The following GCH1 variants were observed in gnomAD, a reference collection of about 807,000 sequenced individuals.
GCH1 encodes GTP cyclohydrolase I.
GCH1 carries 5 observed loss-of-function variants against 25.9 expected under a neutral mutation model. That is an observed-to-expected ratio of 0.19 (90% confidence interval 0.10 to 0.41). The LOEUF is 0.41. GCH1 is among the 10% of genes least tolerant of loss of function. The probability of loss-of-function intolerance (pLI) is 1.00; values close to 1 mark genes in which losing one functional copy is unlikely to be tolerated. For missense variants in GCH1, 261 were observed against 336.5 expected (o/e 0.78, Z 1.75); for synonymous variants, 159 against 129.6 (o/e 1.23, Z -1.54).
chr14:54,855,674 C>G (rs1054158346), intron 3 of GCH1, among the ~76,000 whole-genome samples: 2 of 151,600 alleles, frequency 1.3e-5, no homozygotes, highest in Non-Finnish European at 2.9e-5. Flanking sequence ...ATTAGCCAGG[C>G]ATGGTGGTGC....
rs1392951736 is a variant in GCH1, at chr14:54,881,590, T to C, written c.344-16154A>G. Among the ~76,000 whole-genome samples, 3 of 152,080 alleles carry C rather than the reference T, an allele frequency of 2.0e-5. No homozygotes were observed. The East Asian group carries it at 5.8e-4, about 29-fold the overall frequency. On this transcript the variant is annotated intron_variant, in intron 1 of 5. Transcript: ENST00000491895. Reference sequence around the variant, plus strand: ...GCCAAAATAAGCATGAACCCAAACATTCCACAGACTGACACAATGGCGGAA... The same window carrying C: ...GCCAAAATAAGCATGAACCCAAACACTCCACAGACTGACACAATGGCGGAA...
At chr14:54,865,127 C>T (rs1161429398) in intron 2 of GCH1, among the ~76,000 whole-genome samples, 200 bp downstream of exon 2, 3 of 151,110 alleles carry the variant, frequency 2.0e-5, no homozygotes, top group Non-Finnish European at 4.4e-5. Context: ...AAAGGCTTAT[C>T]CTGAGAGCCT....
chr14:54,893,113 T>C (rs75116139), intron 1 of GCH1, among the ~76,000 whole-genome samples: 1,839 of 152,306 alleles, frequency 0.012, 28 homozygotes, highest in South Asian at 0.043. Flanking sequence ...TGGGCTCCAA[T>C]AGAATAAAAT....
At chr14:54,871,815 T>G (rs1432950143) in intron 1 of GCH1, among the ~76,000 whole-genome samples, 1 of 151,856 alleles carries the variant, frequency 6.6e-6, no homozygotes, top group Non-Finnish European at 1.5e-5. Flanking sequence ...TAAAAAGAAA[T>G]GAACAAAGCC....
chr14:54,864,479 C>G (rs547034776), intron 2 of GCH1, among the ~76,000 whole-genome samples: 3 of 152,180 alleles, frequency 2.0e-5, no homozygotes, highest in Admixed American at 1.3e-4. Context: ...TCCTAGACAA[C>G]ATCTAATAAC....
At chr14:54,857,749 A>C (rs1330702657) in intron 3 of GCH1, among the ~76,000 whole-genome samples, 1 of 152,140 alleles carries the variant, frequency 6.6e-6, no homozygotes, top group Non-Finnish European at 1.5e-5. Context: ...GTTGAGGGTA[A>C]GTTACTGGGA....
chr14:54,844,023 C>A lies in GCH1; in HGVS notation c.747G>T (p.Arg249Ser). 2 of 1,614,172 alleles carry A rather than the reference C, an allele frequency of 1.2e-6. No individual in the cohort carries two copies. Among genetic ancestry groups the A allele is most frequent in the African/African-American group, 1.3e-5 (1 of 75,056 alleles). Residue 249 changes from arginine to serine, a missense_variant, in exon 6 of 6, where the codon AGG becomes AGT. Around this residue, in one of 3 missense-constraint regions of GCH1, gnomAD observed 130 missense variants for 184.1 expected, o/e 0.71. Transcript: ENST00000491895. ...CACACACACTGAATGAAGCTCAGCT[C>A]CTAATGAGAGTCAGGAACTCTTCCC... Reference protein sequence around the residue: ...KTREEFLTLIRS With the variant: ...KTREEFLTLISS
intron 2 of GCH1, among the ~76,000 whole-genome samples, chr14:54,862,486 G>A (rs955812175): frequency 1.4e-5 from 2 of 147,706 alleles, no homozygotes; most frequent in African/African-American, 5.0e-5. Context: ...GGGTTCAAGC[G>A]ATTCTCCAAC....
chr14:54,852,973 A>G (rs1252602140), intron 3 of GCH1, among the ~76,000 whole-genome samples: 1 of 151,928 alleles, frequency 6.6e-6, no homozygotes, highest in Admixed American at 6.6e-5. Flanking sequence ...ATTTTTATTT[A>G]TTTATTTTTG....
At chr14:54,872,124 G>A (rs903420418) in intron 1 of GCH1, among the ~76,000 whole-genome samples, 1 of 152,186 alleles carries the variant, frequency 6.6e-6, no homozygotes, top group Non-Finnish European at 1.5e-5. Flanking sequence ...ACAAAGGGAA[G>A]CCCATCGGAC....
chr14:54,843,623 G>T lies in GCH1; in HGVS notation c.*394C>A. The T allele has an allele frequency of 6.8e-7, 1 of 1,479,880 alleles. No individual in the cohort carries two copies. Among genetic ancestry groups the T allele is most frequent in the East Asian group, 2.4e-5 (1 of 41,442 alleles). 91.7% of individuals were successfully genotyped at this position (1,479,880 alleles called of 1,614,324 possible). On this transcript the variant is annotated 3_prime_UTR_variant, in exon 6 of 6. Transcript: ENST00000491895. Reference sequence around the variant, plus strand: ...TCGGCACTACACCACTTTTATTGGAGGAAGAAAAAAAACAGTATACTGGGC... The same window carrying T: ...TCGGCACTACACCACTTTTATTGGATGAAGAAAAAAAACAGTATACTGGGC...
At chr14:54,846,850 C>T (rs1489223106) in intron 4 of GCH1, among the ~76,000 whole-genome samples, 13 of 152,096 alleles carry the variant, frequency 8.5e-5, no homozygotes, top group African/African-American at 1.9e-4. Context: ...CACCTGAGGT[C>T]GGAAGTTCGA....
intron 1 of GCH1, among the ~76,000 whole-genome samples, chr14:54,875,643 C>T (rs547516840): frequency 2.0e-5 from 3 of 152,144 alleles, no homozygotes; most frequent in Admixed American, 2.0e-4. Context: ...AACAAACAAC[C>T]CCATCAAAAA....
chr14:54,867,284 G>C (rs963817052), intron 1 of GCH1, among the ~76,000 whole-genome samples: 2 of 152,076 alleles, frequency 1.3e-5, no homozygotes, highest in African/African-American at 4.8e-5. Flanking sequence ...TTCAACTCAG[G>C]CGAAGTGAAG....
chr14:54,852,554 C>T (rs140561434), intron 3 of GCH1, among the ~76,000 whole-genome samples: 1 of 152,326 alleles, frequency 6.6e-6, no homozygotes, highest in Non-Finnish European at 1.5e-5. Flanking sequence ...GAAACAGAAG[C>T]ACCTGGAGGA....
intron 1 of GCH1, 97 bp downstream of exon 1, chr14:54,902,224 G>T: frequency 7.4e-7 from 1 of 1,342,722 alleles, no homozygotes; most frequent in Non-Finnish European, 1.0e-6. Flanking sequence ...TGCGCCAAAA[G>T]TGAGGCAACT....
At chr14:54,871,100 G>C (rs972854846) in intron 1 of GCH1, among the ~76,000 whole-genome samples, 1 of 152,184 alleles carries the variant, frequency 6.6e-6, no homozygotes, top group Non-Finnish European at 1.5e-5. Context: ...GCACCCCCAA[G>C]GAGGGGCAGA....
chr14:54,850,003 C>G (rs1373758133), intron 3 of GCH1, among the ~76,000 whole-genome samples: 3 of 151,986 alleles, frequency 2.0e-5, no homozygotes, highest in African/African-American at 4.8e-5. Flanking sequence ...GGCACGGAGT[C>G]TTGCTCTGTT....
chr14:54,845,041 C>T (rs564458796), intron 5 of GCH1, among the ~76,000 whole-genome samples: 9 of 151,916 alleles, frequency 5.9e-5, no homozygotes, highest in Admixed American at 2.6e-4. Context: ...GGTGTGGTGG[C>T]GGGCACCTGT....
Sources: allele counts gnomAD v4.1 joint callset (sites outside exome capture counted in the v4.1 genomes callset), GRCh38; gene constraint gnomAD v4.1.1; regional missense constraint gnomAD v4.1.1; transcripts MANE v1.5; gene names NCBI Gene and HGNC (gene_info 2026-07-23, HGNC 2026-07-21).